Variants in KHDRBS2 observed in about 807,000 individuals in gnomAD.
KHDRBS2 encodes KH domain-containing, RNA-binding, signal transduction-associated protein 2.
KHDRBS2 carries 26 observed loss-of-function variants against 44.3 expected under a neutral mutation model. The observed-to-expected ratio is 0.59, with a 90% confidence interval of 0.43 to 0.81. KHDRBS2 has a LOEUF of 0.81. KHDRBS2 is among the 40% of genes least tolerant of loss of function. KHDRBS2 has a pLI of 0.00. For synonymous variants in KHDRBS2, 194 were observed against 151.1 expected, an observed-to-expected ratio of 1.28 and a Z score of -2.08; for missense variants, 476 against 433.1, an observed-to-expected ratio of 1.10 and a Z score of -0.88.
chr6:61,748,414 G>C (rs964995583), intron 6 of KHDRBS2, among the ~76,000 whole-genome samples: 1 of 152,062 alleles, frequency 6.6e-6, no homozygotes, highest in African/African-American at 2.4e-5. Flanking sequence ...GGCTACCCTG[G>C]ATACCAGCAG....
At chr6:62,206,810 G>C (rs1828053115) in intron 1 of KHDRBS2, among the ~76,000 whole-genome samples, 1 of 151,928 alleles carries the variant, frequency 6.6e-6, no homozygotes, top group East Asian at 1.9e-4. Context: ...CAAGAACTGG[G>C]GACAGAAGCT....
chr6:61,750,409 C>G (rs1395904797), intron 6 of KHDRBS2, among the ~76,000 whole-genome samples: 2 of 152,186 alleles, frequency 1.3e-5, no homozygotes, highest in African/African-American at 2.4e-5. Context: ...CTGTTTCTAA[C>G]TGGATTTCTG....
chr6:61,746,404 T>C (rs1776864429), intron 6 of KHDRBS2, among the ~76,000 whole-genome samples: 2 of 152,198 alleles, frequency 1.3e-5, no homozygotes, highest in Middle Eastern at 3.4e-3. Context: ...GAGAACATGC[T>C]GTGTTTGGTT....
intron 3 of KHDRBS2, among the ~76,000 whole-genome samples, chr6:62,041,694 A>C (rs962564809): frequency 6.6e-6 from 1 of 152,122 alleles, no homozygotes; most frequent in African/African-American, 2.4e-5. Flanking sequence ...AGGTCCCTGA[A>C]AGTTTCCAAG....
At chr6:62,209,099 A>C (rs1164039925) in intron 1 of KHDRBS2, among the ~76,000 whole-genome samples, 3 of 152,224 alleles carry the variant, frequency 2.0e-5, no homozygotes, top group Non-Finnish European at 4.4e-5. Flanking sequence ...TCTTAGCCAC[A>C]TATCTGATAA....
chr6:61,633,740 A>C, the KHDRBS2 span, among the ~76,000 whole-genome samples: 1 of 151,996 alleles, frequency 6.6e-6, no homozygotes, highest in Non-Finnish European at 1.5e-5. Flanking sequence ...GCAAACAAAC[A>C]CTGGAGCCCA....
chr6:61,820,884 G>C (rs1339237848), intron 6 of KHDRBS2, among the ~76,000 whole-genome samples: 13 of 151,948 alleles, frequency 8.6e-5, no homozygotes, highest in Admixed American at 8.5e-4. Flanking sequence ...ATAATTGAGA[G>C]AATCAATGTG....
chr6:61,801,303 C>T (rs2127589575), intron 6 of KHDRBS2, among the ~76,000 whole-genome samples: 1 of 151,952 alleles, frequency 6.6e-6, no homozygotes. Context: ...CTAAATACTA[C>T]TTGGAGAACA....
chr6:61,637,190 C>A, the KHDRBS2 span, among the ~76,000 whole-genome samples: 3 of 152,000 alleles, frequency 2.0e-5, no homozygotes, highest in Admixed American at 6.6e-5. Flanking sequence ...CCTGTCCCCC[C>A]ACCCCACAAC....
intron 1 of KHDRBS2, among the ~76,000 whole-genome samples, chr6:62,266,685 A>AG (rs1839256841): frequency 6.6e-6 from 1 of 151,972 alleles, no homozygotes; most frequent in African/African-American, 2.4e-5. Flanking sequence ...TTACTAAATA[A>AG]GTTTGGGCCT....
intron 1 of KHDRBS2, among the ~76,000 whole-genome samples, chr6:62,226,578 C>T (rs1438665229): frequency 6.6e-6 from 1 of 152,174 alleles, no homozygotes; most frequent in Non-Finnish European, 1.5e-5. Flanking sequence ...GTTACCATTA[C>T]TTTTGGTGTT....
chr6:61,830,381 C>T (rs1791602591), intron 6 of KHDRBS2, among the ~76,000 whole-genome samples: 1 of 152,148 alleles, frequency 6.6e-6, no homozygotes, highest in Non-Finnish European at 1.5e-5. Flanking sequence ...CTATCTAAGT[C>T]TTCTCTAAAT....
At chr6:62,160,438 G>C (rs1317231144) in intron 2 of KHDRBS2, among the ~76,000 whole-genome samples, 6 of 152,200 alleles carry the variant, frequency 3.9e-5, no homozygotes, top group African/African-American at 1.4e-4. Flanking sequence ...AGGAATGCTA[G>C]CCAGCCAGGG....
chr6:62,252,551 C>T (rs2150175674), intron 1 of KHDRBS2, among the ~76,000 whole-genome samples: 1 of 152,006 alleles, frequency 6.6e-6, no homozygotes, highest in South Asian at 2.1e-4. Flanking sequence ...AGGACTGTAT[C>T]AGATTTCTTT....
At chr6:61,699,540 A>G (rs1768331272) in intron 7 of KHDRBS2, among the ~76,000 whole-genome samples, 1 of 152,014 alleles carries the variant, frequency 6.6e-6, no homozygotes, top group South Asian at 2.1e-4. Flanking sequence ...GGTAGGGGAT[A>G]GATGCCAAAG....
At chr6:61,570,777 AAC>A in the KHDRBS2 span, among the ~76,000 whole-genome samples, 1 of 152,140 alleles carries the variant, frequency 6.6e-6, no homozygotes, top group Non-Finnish European at 1.5e-5. Flanking sequence ...AGCTTCCTAA[AAC>A]AAAATAATTG....
the KHDRBS2 span, among the ~76,000 whole-genome samples, chr6:61,607,149 AAGT>A: frequency 1.4e-4 from 22 of 152,198 alleles, no homozygotes; most frequent in Admixed American, 1.1e-3. Context: ...AAAAAGGACA[AAGT>A]AGAGATTTTG....
chr6:61,776,821 A>C (rs1181853142), intron 6 of KHDRBS2, among the ~76,000 whole-genome samples: 1 of 152,230 alleles, frequency 6.6e-6, no homozygotes, highest in African/African-American at 2.4e-5. Flanking sequence ...TCGTGCTGCT[A>C]TAAAGTCACA....
At chr6:61,997,691 C>T (rs1032679323) in intron 3 of KHDRBS2, among the ~76,000 whole-genome samples, 2 of 152,096 alleles carry the variant, frequency 1.3e-5, no homozygotes, top group African/African-American at 2.4e-5. Flanking sequence ...CTCAATAAAG[C>T]CCTTAAGGAT....
Sources: gnomAD v4.1 joint callset for allele counts (sites outside exome capture counted in the v4.1 genomes callset) on GRCh38, gnomAD v4.1.1 for gene constraint, MANE v1.5 for transcripts, NCBI Gene and HGNC (gene_info 2026-07-23, HGNC 2026-07-21) for gene names.